Variants in PHF8 observed in about 807,000 individuals in gnomAD.
The protein encoded by PHF8 is histone lysine demethylase PHF8.
In PHF8, 9 loss-of-function variants were observed where a neutral mutation model predicts 74.4. That is an observed-to-expected ratio of 0.12 (90% CI 0.07 to 0.21). PHF8 has a LOEUF of 0.21. PHF8 is among the 10% of genes least tolerant of loss of function. The probability of loss-of-function intolerance (pLI) is 1.00; values close to 1 mark genes in which losing one functional copy is unlikely to be tolerated. For missense variants in PHF8, 478 were observed against 816.6 expected, an observed-to-expected ratio of 0.59 and a Z score of 5.05; for synonymous variants, 311 against 316.6, an observed-to-expected ratio of 0.98 and a Z score of 0.19.
intron 19 of PHF8, among the ~76,000 whole-genome samples, chrX:53,951,360 G>A (rs2064921417): frequency 8.9e-6 from 1 of 111,971 alleles, no homozygotes; most frequent in Admixed American, 9.5e-5. Flanking sequence ...TTCCAAATTT[G>A]ATGAAAAACA....
intron 2 of PHF8, among the ~76,000 whole-genome samples, chrX:54,036,589 A>G (rs1209249909): frequency 9.5e-6 from 1 of 105,368 alleles, no homozygotes; most frequent in African/African-American, 3.5e-5. Context: ...AAAAAAAAAA[A>G]AAAAAAAAAA....
chrX:54,044,227 G>C lies in PHF8; in HGVS notation c.-558C>G, dbSNP rs1410820515. On this transcript the variant is annotated 5_prime_UTR_variant, in exon 1 of 22. Coordinates refer to ENST00000338154, the MANE Select transcript of PHF8 (RefSeq NM_015107.3). ...CTGGGCCGGCAGGAGATACTCGCGA[G>C]CAAACCAACGGGGAAAGAGATGAAC... 1 of 754,271 alleles carries C rather than the reference G, an allele frequency of 1.3e-6. No individual in the cohort carries two copies. The allele number at this position is 754,271 out of a possible 1,213,427, so 62.2% of individuals were successfully genotyped here.
chrX:53,947,374 A>C (rs782457343), intron 19 of PHF8, among the ~76,000 whole-genome samples: 26 of 112,597 alleles, frequency 2.3e-4, no homozygotes, highest in Non-Finnish European at 4.3e-4. Flanking sequence ...CCTAGATTTA[A>C]ACTCCTTGGT....
Position 54,016,636 on chromosome X carries a change from C to T in PHF8, c.555G>A (p.Glu185=). The T allele has an allele frequency of 8.3e-7, 1 of 1,201,044 alleles. No homozygotes were observed. Among genetic ancestry groups the T allele is most frequent in the Non-Finnish European group, 1.1e-6 (1 of 886,057 alleles). ...FVKYYYSGKR[E]KVLNVISLEF... is the part of the protein sequence containing the mutation. ...CCAAACTAATGACATTGAGGACTTT[C>T]TCCCTCTTCCCGCTGTAATAGTATT... The change falls in exon 6 of 22, where the codon GAG becomes GAA. Residue 185 remains glutamate (E), a synonymous_variant. Coordinates refer to ENST00000338154, the MANE Select transcript of PHF8 (RefSeq NM_015107.3).
At position 54,023,706 on chromosome X, in the gene PHF8, AAAAC is replaced by A. The variant is rs782441008; in HGVS notation, c.99-867_99-864del. Among the ~76,000 whole-genome samples, 420 of 108,474 alleles carry A rather than the reference AAAAC, an allele frequency of 3.9e-3. 1 individual carries two copies. The highest frequency in any genetic ancestry group is 0.013 in the African/African-American group (380 of 29,758). 94.2% of individuals were successfully genotyped at this position (108,474 alleles called of 115,157 possible). A position where few individuals can be genotyped will look rare whatever the true frequency, so the allele number is the denominator to read the frequency against. On this transcript the variant is annotated intron_variant, in intron 2 of 21. Transcript: ENST00000338154. ...ACAAATTGAGACCCCCATCTCTACC[AAAAC>A]AAACAAAAAAATTTAGCTGAGCATG...
intron 18 of PHF8, among the ~76,000 whole-genome samples, chrX:53,984,552 A>C (rs2065530648): frequency 8.9e-6 from 1 of 111,927 alleles, no homozygotes; most frequent in African/African-American, 3.2e-5. Flanking sequence ...TGGCCAACGC[A>C]GGACACAAAT....
At chrX:53,985,270 C>T (rs1476773656) in intron 17 of PHF8, 43 bp from the exon 18 acceptor site, 1 of 1,041,690 alleles carries the variant, frequency 9.6e-7, no homozygotes, top group Non-Finnish European at 1.3e-6. Context: ...TTGTTTTTAG[C>T]TGTCAGAGTA....
chrX:54,042,473 T>G (rs782102681), intron 2 of PHF8, among the ~76,000 whole-genome samples, 158 bp downstream of exon 2: 1 of 108,375 alleles, frequency 9.2e-6, no homozygotes, highest in South Asian at 4.1e-4. Context: ...CAGAGGCTAA[T>G]GTCAGCTAGG....
At chrX:53,943,412 G>A in intron 20 of PHF8, 1 of 1,046,960 alleles carries the variant, frequency 9.6e-7, no homozygotes, top group Admixed American at 2.8e-5. Flanking sequence ...CCTATAAAAT[G>A]ATGAAAATAT....
intron 2 of PHF8, among the ~76,000 whole-genome samples, chrX:54,036,983 G>GC (rs1557114452): frequency 2.0e-5 from 2 of 100,594 alleles, no homozygotes; most frequent in Non-Finnish European, 4.0e-5. Flanking sequence ...CTGGGCAACA[G>GC]GCTGTTTCAG....
At chrX:54,030,315 C>G (rs1408546009) in intron 2 of PHF8, among the ~76,000 whole-genome samples, 1 of 111,628 alleles carries the variant, frequency 9.0e-6, no homozygotes. Context: ...GCTGCACTGT[C>G]TCGATAGTTA....
chrX:53,955,888 T>G (rs1042833345), intron 19 of PHF8, among the ~76,000 whole-genome samples: 3 of 111,680 alleles, frequency 2.7e-5, no homozygotes, highest in Non-Finnish European at 3.8e-5. Context: ...TGGGTTAAAC[T>G]TGGTGTTCTT....
chrX:53,942,345 G>C, intron 20 of PHF8, among the ~76,000 whole-genome samples: 1 of 112,317 alleles, frequency 8.9e-6, no homozygotes, highest in East Asian at 2.8e-4. Flanking sequence ...CTAAAATGAA[G>C]TCTATGAGGA....
intron 19 of PHF8, among the ~76,000 whole-genome samples, chrX:53,955,706 A>T (rs2065004990): frequency 9.1e-6 from 1 of 109,966 alleles, no homozygotes. Flanking sequence ...ATGCCTTAGT[A>T]GAATGCATCT....
At chrX:54,013,032 C>T (rs1481936140) in intron 7 of PHF8, among the ~76,000 whole-genome samples, 1 of 109,714 alleles carries the variant, frequency 9.1e-6, no homozygotes, top group Non-Finnish European at 1.9e-5. Context: ...GTGGGAGGAT[C>T]CCTTGAGCCC....
chrX:53,985,156 G>A lies in PHF8; in HGVS notation c.2201C>T (p.Ser734Leu). 2.5e-6 allele frequency: 3 copies of A among 1,206,547 alleles called. No individual in the cohort carries two copies. Among genetic ancestry groups the A allele is most frequent in the East Asian group, 3.0e-5 (1 of 33,659 alleles). The change falls in exon 18 of 22, where the codon TCA (serine) becomes TTA (leucine). Residue 734 changes from serine to leucine, a missense_variant. Coordinates refer to ENST00000338154, the MANE Select transcript of PHF8 (RefSeq NM_015107.3). The stretch of plus-strand genomic sequence containing the variant: ...GCTAGAGGTAGCCGGTGAGGACGAT[G>A]AGGACTGCAGGTTGGCCATGCACAG... The part of the protein sequence containing the change: ...GMLCMANLQS[S>L]SSSPATSSLQ...
chrX:53,964,777 G>C (rs1466737597), intron 18 of PHF8, among the ~76,000 whole-genome samples: 1 of 105,593 alleles, frequency 9.5e-6, no homozygotes, highest in African/African-American at 3.5e-5. Context: ...TGACGCAGGA[G>C]AATCACTTGA....
At chrX:54,036,961 T>C (rs1313856989) in intron 2 of PHF8, among the ~76,000 whole-genome samples, 16 of 101,494 alleles carry the variant, frequency 1.6e-4, no homozygotes, top group Non-Finnish European at 3.2e-4. Flanking sequence ...GATCGCGCCA[T>C]TGCACTCCAG....
Position 53,938,240 on chromosome X carries a change from T to C in PHF8, c.*918A>G. 9.6e-7 allele frequency: 1 copy of C among 1,045,567 alleles called. No homozygotes were observed. Among genetic ancestry groups the C allele is most frequent in the Admixed American group, 4.0e-5 (1 of 25,105 alleles). 86.2% of individuals were successfully genotyped at this position (1,045,567 alleles called of 1,213,427 possible). A position where few individuals can be genotyped will look rare whatever the true frequency, so the allele number is the denominator to read the frequency against. ...TGGTATAGGCGGAGCAAGCAGGCTG[T>C]AGGGCCAGGGTTATCTGCGTCATTG... is the stretch of plus-strand genomic sequence containing the variant. On this transcript the variant is annotated 3_prime_UTR_variant, in exon 22 of 22. Coordinates refer to ENST00000338154, the MANE Select transcript of PHF8 (RefSeq NM_015107.3).
Sources: allele counts gnomAD v4.1 joint callset (sites outside exome capture counted in the v4.1 genomes callset), GRCh38; gene constraint gnomAD v4.1.1; transcripts MANE v1.5; gene names NCBI Gene and HGNC (gene_info 2026-07-23, HGNC 2026-07-21).